NDUFAF6: variants seen among roughly 807,000 people sequenced by gnomAD.
The protein encoded by NDUFAF6 is NADH dehydrogenase (ubiquinone) complex I, assembly factor 6.
NDUFAF6 carries 45 observed loss-of-function variants against 40.8 expected under a neutral mutation model. The ratio of observed to expected loss-of-function variants is 1.10; its 90% CI spans 0.87 to 1.42. The LOEUF (loss-of-function observed/expected upper bound fraction) is 1.42, where lower values mean the gene tolerates loss of function less well. Among genes scored for constraint, NDUFAF6 ranks in the 40% most tolerant of loss-of-function variants. The pLI is 0.00. For missense variants in NDUFAF6, 435 were observed against 418.5 expected (o/e 1.04, Z -0.34); for synonymous variants, 185 against 155.9 (o/e 1.19, Z -1.39).
upstream of NDUFAF6, among the ~76,000 whole-genome samples, chr8:94,956,500 C>G (rs74745770): frequency 8.5e-5 from 13 of 152,156 alleles, 1 homozygote; most frequent in East Asian, 2.5e-3. Context: ...AGAAGGAGAC[C>G]AGATCAGAGA....
chr8:95,090,118 G>A (rs1339060580), intron 2 of NDUFAF6, among the ~76,000 whole-genome samples: 3 of 142,624 alleles, frequency 2.1e-5, no homozygotes, highest in Non-Finnish European at 3.0e-5. Flanking sequence ...CTTAAGGTGG[G>A]TGCTCCTTAT....
chr8:95,002,049 A>G (rs1826760204), intron 2 of NDUFAF6, among the ~76,000 whole-genome samples: 1 of 152,244 alleles, frequency 6.6e-6, no homozygotes, highest in Non-Finnish European at 1.5e-5. Flanking sequence ...GACAATGAAA[A>G]GAGGATTTAG....
chr8:94,954,743 G>A (rs1283956074), upstream of NDUFAF6, among the ~76,000 whole-genome samples: 2 of 152,146 alleles, frequency 1.3e-5, no homozygotes, highest in Admixed American at 6.5e-5. Flanking sequence ...GGCATGATCT[G>A]GTATCTGATG....
chr8:95,034,448 A>C (rs1028297132), intron 2 of NDUFAF6, among the ~76,000 whole-genome samples: 1 of 152,034 alleles, frequency 6.6e-6, no homozygotes, highest in Admixed American at 6.6e-5. Flanking sequence ...TCTGTATGGG[A>C]TCTAATCTAG....
downstream of NDUFAF6, among the ~76,000 whole-genome samples, chr8:95,076,554 A>T (rs372126723): frequency 3.3e-5 from 5 of 152,120 alleles, no homozygotes; most frequent in African/African-American, 1.2e-4. Context: ...ACTGTGTGCC[A>T]GTTATGGCCC....
Position 95,058,447 on chromosome 8 carries a change from AC to A in NDUFAF6, c.*511del, listed in dbSNP as rs1233225437. 1.6e-6 allele frequency: 2 copies of A among 1,230,978 alleles called. No homozygotes were observed. Among genetic ancestry groups the A allele is most frequent in the Non-Finnish European group, 2.0e-6 (2 of 987,792 alleles). 76.3% of individuals were successfully genotyped at this position (1,230,978 alleles called of 1,614,324 possible). On this transcript the variant is annotated 3_prime_UTR_variant, in exon 9 of 9. Coordinates refer to ENST00000396124, the MANE Select transcript of NDUFAF6 (RefSeq NM_152416.4). ...CACGTGTTGTGGGCTTTTATCCTTA[AC>A]GTTTAATTTTTACAATCTTGTGTAA...
intron 1 of NDUFAF6, among the ~76,000 whole-genome samples, chr8:95,028,098 G>C (rs185747085): frequency 6.6e-6 from 1 of 152,284 alleles, no homozygotes; most frequent in African/African-American, 2.4e-5. Flanking sequence ...GTGCCTCAGT[G>C]GCACAGGTCC....
At chr8:95,003,190 T>A (rs1277032261) in intron 2 of NDUFAF6, among the ~76,000 whole-genome samples, 1 of 152,104 alleles carries the variant, frequency 6.6e-6, no homozygotes, top group Non-Finnish European at 1.5e-5. Context: ...TTGCAACTGG[T>A]ACCAAAGGAA....
chr8:95,085,134 TTTG>T (rs1222651227), intron 2 of NDUFAF6, among the ~76,000 whole-genome samples: 2 of 152,298 alleles, frequency 1.3e-5, no homozygotes, highest in East Asian at 3.9e-4. Context: ...TGGACAGGGA[TTTG>T]TTATCTTGGT....
At chr8:95,026,731 T>C (rs10106491) in intron 1 of NDUFAF6, among the ~76,000 whole-genome samples, 22,193 of 152,164 alleles carry the variant, frequency 0.15, 1,633 homozygotes, top group Middle Eastern at 0.24. Flanking sequence ...CTTATCTATT[T>C]TTCCAGGGAT....
intron 1 of NDUFAF6, among the ~76,000 whole-genome samples, chr8:94,904,384 G>T (rs908094394): frequency 8.4e-6 from 1 of 118,764 alleles, no homozygotes; most frequent in African/African-American, 3.4e-5. Context: ...CACCGTGTTA[G>T]CCAGGATGGT....
chr8:95,080,387 T>G (rs559887619), downstream of NDUFAF6, among the ~76,000 whole-genome samples: 2 of 151,948 alleles, frequency 1.3e-5, no homozygotes, highest in Non-Finnish European at 2.9e-5. Context: ...TTTGTAGTGA[T>G]TTTTGGTAGT....
At chr8:95,024,977 C>T (rs1314837547), upstream of NDUFAF6, 1 of 1,294,788 alleles carries the variant, frequency 7.7e-7, no homozygotes, top group South Asian at 2.5e-5. Context: ...GCGCCGACGG[C>T]GGGGGGTCGA....
chr8:95,036,301 G>A (rs376036105), intron 3 of NDUFAF6: 7 of 1,284,640 alleles, frequency 5.4e-6, no homozygotes, highest in Admixed American at 2.3e-5. Context: ...TTGTAATGCA[G>A]TGATTGCCAA....
At chr8:94,931,231 T>G (rs1292760933) in intron 1 of NDUFAF6, among the ~76,000 whole-genome samples, 1 of 152,228 alleles carries the variant, frequency 6.6e-6, no homozygotes, top group African/African-American at 2.4e-5. Context: ...GAAACATGCT[T>G]TAAATCTTTA....
At chr8:95,054,509 A>G (rs1012737868) in intron 8 of NDUFAF6, among the ~76,000 whole-genome samples, 38 of 148,876 alleles carry the variant, frequency 2.6e-4, no homozygotes, top group Admixed American at 1.4e-3. Context: ...ATCTCGGCTC[A>G]CTGCAGCCTC....
intron 1 of NDUFAF6, among the ~76,000 whole-genome samples, chr8:94,943,423 G>C (rs1425279052): frequency 6.6e-6 from 1 of 152,170 alleles, no homozygotes; most frequent in African/African-American, 2.4e-5. Context: ...CAGGTTCAAG[G>C]ATGCAGTAAG....
chr8:95,001,725 C>T (rs1029223664), intron 2 of NDUFAF6, among the ~76,000 whole-genome samples: 2 of 152,152 alleles, frequency 1.3e-5, no homozygotes, highest in African/African-American at 4.8e-5. Context: ...GCTCTTAAAC[C>T]TCTGAAGCAG....
intron 2 of NDUFAF6, among the ~76,000 whole-genome samples, chr8:95,003,372 A>G (rs1163287062): frequency 6.6e-6 from 1 of 152,258 alleles, no homozygotes; most frequent in Non-Finnish European, 1.5e-5. Flanking sequence ...TTCCTGGGAT[A>G]GCAAAATATA....
Sources: allele counts gnomAD v4.1 joint callset (sites outside exome capture counted in the v4.1 genomes callset), GRCh38; gene constraint gnomAD v4.1.1; transcripts MANE v1.5; gene names NCBI Gene and HGNC (gene_info 2026-07-23, HGNC 2026-07-21).